TENM2: variants seen among roughly 807,000 people sequenced by gnomAD.
TENM2 encodes the protein teneurin-2.
Under a neutral mutation model 245.2 loss-of-function variants are expected in TENM2, and 52 were observed. That is an observed-to-expected ratio of 0.21 (90% CI 0.17 to 0.27). The LOEUF (loss-of-function observed/expected upper bound fraction) is 0.27. Ranked by LOEUF, TENM2 falls within the 10% of genes least tolerant of loss-of-function variation. TENM2 has a pLI of 1.00. For synonymous variants in TENM2, 1,363 were observed against 1,438.9 expected (o/e 0.95, Z 1.19); for missense variants, 3,046 against 3,666.8 (o/e 0.83, Z 4.37).
the TENM2 span, among the ~76,000 whole-genome samples, chr5:167,180,625 C>T: frequency 4.3e-4 from 65 of 152,104 alleles, no homozygotes; most frequent in Middle Eastern, 3.4e-3. Context: ...TCCTGTTGAA[C>T]GGAAGCTTGA....
At chr5:167,033,424 C>A in the TENM2 span, among the ~76,000 whole-genome samples, 1 of 152,144 alleles carries the variant, frequency 6.6e-6, no homozygotes, top group Admixed American at 6.5e-5. Context: ...ATTTCTCAAG[C>A]TGTGATTTGG....
At chr5:167,465,625 C>T (rs541474321) in intron 2 of TENM2, among the ~76,000 whole-genome samples, 220 of 152,286 alleles carry the variant, frequency 1.4e-3, no homozygotes, top group African/African-American at 4.1e-3. Flanking sequence ...GTCAGGAAAT[C>T]GAGACCATCC....
intron 3 of TENM2, among the ~76,000 whole-genome samples, chr5:167,881,500 A>G (rs1189192695): frequency 6.6e-6 from 1 of 152,212 alleles, no homozygotes; most frequent in African/African-American, 2.4e-5. Flanking sequence ...ATGAGTGTCT[A>G]TAGTAACCAC....
intron 9 of TENM2, among the ~76,000 whole-genome samples, chr5:168,111,087 A>G (rs1794636689): frequency 6.6e-6 from 1 of 152,228 alleles, no homozygotes; most frequent in Non-Finnish European, 1.5e-5. Flanking sequence ...AACTAAAGCA[A>G]TTAAATTCAC....
intron 2 of TENM2, among the ~76,000 whole-genome samples, chr5:167,737,350 C>T (rs756673305): frequency 8.5e-5 from 13 of 152,150 alleles, no homozygotes; most frequent in Non-Finnish European, 1.8e-4. Flanking sequence ...AGAGCGCCGG[C>T]GGCTACCAAG....
intron 2 of TENM2, among the ~76,000 whole-genome samples, chr5:167,592,557 A>T (rs1775948793): frequency 6.6e-6 from 1 of 152,134 alleles, no homozygotes. Context: ...TACCCATAAA[A>T]TTTTACATTG....
At chr5:167,414,522 A>G (rs1024260830) in intron 2 of TENM2, among the ~76,000 whole-genome samples, 1 of 152,084 alleles carries the variant, frequency 6.6e-6, no homozygotes, top group African/African-American at 2.4e-5. Flanking sequence ...CAAGTGATTT[A>G]GGGTGATTTA....
At chr5:167,878,062 T>C (rs1486256100) in intron 3 of TENM2, among the ~76,000 whole-genome samples, 1 of 152,202 alleles carries the variant, frequency 6.6e-6, no homozygotes, top group Non-Finnish European at 1.5e-5. Flanking sequence ...ACCCAGGCAA[T>C]GATGATTTCC....
intron 2 of TENM2, chr5:167,755,079 T>G (rs749648525): frequency 1.3e-6 from 2 of 1,598,770 alleles, no homozygotes; most frequent in Non-Finnish European, 1.7e-6. Context: ...CTCCTGATCA[T>G]TAGCGTTGCT....
chr5:167,597,111 G>A (rs1248028091), intron 2 of TENM2, among the ~76,000 whole-genome samples: 6 of 151,378 alleles, frequency 4.0e-5, no homozygotes, highest in Non-Finnish European at 8.8e-5. Context: ...AAGAGTTGCT[G>A]GGGCAAATTT....
intron 20 of TENM2, among the ~76,000 whole-genome samples, chr5:168,214,215 A>T (rs1158438751): frequency 6.6e-6 from 1 of 152,220 alleles, no homozygotes. Flanking sequence ...ACTCTGTCCT[A>T]GTTAGCCTCA....
chr5:167,441,109 T>C (rs1202367748), intron 2 of TENM2, among the ~76,000 whole-genome samples: 2 of 152,190 alleles, frequency 1.3e-5, no homozygotes, highest in Admixed American at 6.5e-5. Context: ...TGCTCAGCCA[T>C]GCATAGAATC....
intron 3 of TENM2, among the ~76,000 whole-genome samples, chr5:167,925,424 C>G (rs1583386044): frequency 6.6e-6 from 1 of 152,194 alleles, no homozygotes; most frequent in Non-Finnish European, 1.5e-5. Context: ...GAAATATTCT[C>G]TATCCTGAGA....
intron 2 of TENM2, among the ~76,000 whole-genome samples, chr5:167,671,990 C>A (rs1582710176): frequency 6.6e-6 from 1 of 151,936 alleles, no homozygotes; most frequent in African/African-American, 2.4e-5. Flanking sequence ...TCACTTAATC[C>A]TCACAACAAA....
At chr5:167,727,696 C>T (rs2150544330) in intron 2 of TENM2, among the ~76,000 whole-genome samples, 1 of 152,356 alleles carries the variant, frequency 6.6e-6, no homozygotes, top group Non-Finnish European at 1.5e-5. Flanking sequence ...TGTATTTTAT[C>T]TGTAAATATT....
At chr5:167,918,390 T>A (rs1374108196) in intron 3 of TENM2, among the ~76,000 whole-genome samples, 7 of 152,206 alleles carry the variant, frequency 4.6e-5, no homozygotes, top group Non-Finnish European at 1.0e-4. Context: ...AGGAATGAGA[T>A]GCTTGCCTCG....
chr5:167,098,656 C>T, the TENM2 span, among the ~76,000 whole-genome samples: 1 of 152,070 alleles, frequency 6.6e-6, no homozygotes, highest in African/African-American at 2.4e-5. Context: ...TGAAAACATA[C>T]CGAGAAAAAG....
chr5:167,516,738 G>A (rs1249215233), intron 2 of TENM2, among the ~76,000 whole-genome samples: 1 of 152,074 alleles, frequency 6.6e-6, no homozygotes, highest in African/African-American at 2.4e-5. Context: ...TACTTTCAGG[G>A]TTTTCGCATC....
At chr5:168,208,441 G>A (rs964123815) in intron 19 of TENM2, among the ~76,000 whole-genome samples, 6 of 152,198 alleles carry the variant, frequency 3.9e-5, no homozygotes, top group Non-Finnish European at 7.3e-5. Context: ...ACCCAGATAT[G>A]TTAGTACCGG....
Sources: gnomAD v4.1 joint callset for allele counts (sites outside exome capture counted in the v4.1 genomes callset) on GRCh38, gnomAD v4.1.1 for gene constraint, MANE v1.5 for transcripts, NCBI Gene and HGNC (gene_info 2026-07-23, HGNC 2026-07-21) for gene names.